Variants in ZFAT observed in about 807,000 individuals in gnomAD.
ZFAT encodes the protein zinc finger and AT-hook domain containing, also known as zinc finger protein ZFAT.
A neutral mutation model predicts 117.7 loss-of-function variants in ZFAT; 64 were observed. The observed-to-expected ratio is 0.54, with a 90% CI of 0.44 to 0.67. The LOEUF (loss-of-function observed/expected upper bound fraction) is 0.67, where lower values mean the gene tolerates loss of function less well. ZFAT is among the 30% of genes least tolerant of loss of function. The probability of loss-of-function intolerance (pLI) is 0.00; values close to 1 mark genes in which losing one functional copy is unlikely to be tolerated. For missense variants in ZFAT, 1,433 were observed against 1,584.5 expected (o/e 0.90, Z 1.62); for synonymous variants, 679 against 615.0 (o/e 1.10, Z -1.54).
At chr8:134,549,454 A>C (rs1446882507) in intron 11 of ZFAT, among the ~76,000 whole-genome samples, 4 of 151,618 alleles carry the variant, frequency 2.6e-5, no homozygotes, top group Non-Finnish European at 2.9e-5. Context: ...AAAAAAAAAA[A>C]AAAAAAAGAA....
chr8:134,552,733 C>T (rs982155580), intron 11 of ZFAT, among the ~76,000 whole-genome samples: 1 of 152,194 alleles, frequency 6.6e-6, no homozygotes. Flanking sequence ...ATTTGTCAAA[C>T]AGCAGAGAGG....
At chr8:134,819,459 A>C in the ZFAT span, among the ~76,000 whole-genome samples, 2 of 150,206 alleles carry the variant, frequency 1.3e-5, no homozygotes, top group African/African-American at 2.4e-5. Flanking sequence ...TTTCCAAGGA[A>C]TCACAATGAA....
chr8:134,713,602 T>A (rs1209526595), upstream of ZFAT, among the ~76,000 whole-genome samples: 1 of 152,098 alleles, frequency 6.6e-6, no homozygotes, highest in Non-Finnish European at 1.5e-5. Flanking sequence ...TCTCTTTTTG[T>A]CCCACAACAA....
chr8:134,512,174 T>A (rs530154235), intron 14 of ZFAT, among the ~76,000 whole-genome samples: 18 of 152,304 alleles, frequency 1.2e-4, no homozygotes, highest in African/African-American at 4.3e-4. Context: ...ATCTGTGAAG[T>A]GAGAATAGTC....
intron 1 of ZFAT, among the ~76,000 whole-genome samples, chr8:134,661,963 A>C (rs1383321748): frequency 6.6e-6 from 1 of 152,226 alleles, no homozygotes; most frequent in Non-Finnish European, 1.5e-5. Flanking sequence ...TCAAGAAGCC[A>C]AATCCTTCCA....
intron 7 of ZFAT, chr8:134,599,740 A>C: frequency 2.2e-6 from 1 of 455,886 alleles, no homozygotes; most frequent in Non-Finnish European, 4.4e-6. Context: ...CTGGGGCCAG[A>C]TGTGCTTCCT....
intron 7 of ZFAT, among the ~76,000 whole-genome samples, chr8:134,597,360 G>T (rs1211444161): frequency 1.3e-5 from 2 of 152,130 alleles, no homozygotes; most frequent in African/African-American, 4.8e-5. Flanking sequence ...CATGGAAAAT[G>T]TTCAGTAATT....
At chr8:134,734,560 T>A in the ZFAT span, among the ~76,000 whole-genome samples, 1 of 152,202 alleles carries the variant, frequency 6.6e-6, no homozygotes, top group Non-Finnish European at 1.5e-5. Context: ...CAAACCCTCG[T>A]GGCACAGTGT....
chr8:134,710,112 T>C lies in ZFAT; in HGVS notation c.19+2733A>G, dbSNP rs77902966. Among the ~76,000 whole-genome samples, 726 of 152,358 alleles carry C rather than the reference T, an allele frequency of 4.8e-3. 6 individuals carry two copies. Among genetic ancestry groups the C allele is most frequent in the African/African-American group, 0.016 (670 of 41,586 alleles). ...TGTCCAGGGTTCTTTTTTAAAACTC[T>C]TGGGTAAATTCCAGAAGTGGAGAAG... On this transcript the variant is annotated intron_variant, in intron 1 of 15. Transcript: ENST00000377838.
At chr8:134,623,203 G>A (rs571149022) in intron 3 of ZFAT, among the ~76,000 whole-genome samples, 1 of 152,148 alleles carries the variant, frequency 6.6e-6, no homozygotes, top group Non-Finnish European at 1.5e-5. Flanking sequence ...AATCAATGGA[G>A]TCTTCACCCC....
At chr8:134,793,540 T>C in the ZFAT span, 9 of 152,290 alleles carry the variant, frequency 5.9e-5, no homozygotes, top group East Asian at 1.7e-3. Flanking sequence ...ATTAGATTCT[T>C]GTAAGGAGCA....
chr8:134,757,311 C>T, the ZFAT span, among the ~76,000 whole-genome samples: 1,972 of 152,212 alleles, frequency 0.013, 23 homozygotes, highest in Non-Finnish European at 0.02. Context: ...GCCACCGCAC[C>T]CAGCCCTTCC....
chr8:134,511,986 T>C (rs1022911733), intron 14 of ZFAT, among the ~76,000 whole-genome samples: 4 of 152,276 alleles, frequency 2.6e-5, no homozygotes, highest in Non-Finnish European at 5.9e-5. Context: ...GCCTGGCCCC[T>C]GTAGGCCCTG....
chr8:134,798,673 T>C, the ZFAT span, among the ~76,000 whole-genome samples: 1 of 152,082 alleles, frequency 6.6e-6, no homozygotes, highest in African/African-American at 2.4e-5. Context: ...AAAGACCTTA[T>C]TACATAATCA....
In ZFAT at chr8:134,656,349, G is replaced by A. The variant is rs1831601909; in HGVS notation, c.196+1212C>T. On this transcript the variant is annotated intron_variant, in intron 2 of 15. Coordinates refer to ENST00000377838, the MANE Select transcript of ZFAT (RefSeq NM_020863.4). ...AGGTCTGCTCACAAGGCCTGTGAGGGGCTGAGCACGCCATGGACACACACC... is the reference window on the plus strand; with the variant it reads ...AGGTCTGCTCACAAGGCCTGTGAGGAGCTGAGCACGCCATGGACACACACC... 2.6e-5 allele frequency among the ~76,000 whole-genome samples: 4 copies of A among 152,276 alleles called. No homozygotes were observed. In the South Asian group the frequency reaches 8.3e-4, roughly 32 times the overall value.
intron 1 of ZFAT, among the ~76,000 whole-genome samples, chr8:134,709,820 A>T (rs1161691559): frequency 6.6e-6 from 1 of 152,196 alleles, no homozygotes. Context: ...CCGGAGGCAA[A>T]TGAGAAGCCC....
chr8:134,752,959 T>C, the ZFAT span, among the ~76,000 whole-genome samples: 57 of 152,140 alleles, frequency 3.7e-4, no homozygotes, highest in Non-Finnish European at 6.6e-4. Flanking sequence ...ATTCAGCCCA[T>C]AACACTGAGC....
At chr8:134,831,838 C>A in the ZFAT span, among the ~76,000 whole-genome samples, 4 of 151,886 alleles carry the variant, frequency 2.6e-5, no homozygotes, top group African/African-American at 7.2e-5. Context: ...CAAAAAAGCA[C>A]CCCCCGACAC....
chr8:134,529,401 T>C (rs1821247710), intron 12 of ZFAT, among the ~76,000 whole-genome samples: 1 of 152,200 alleles, frequency 6.6e-6, no homozygotes, highest in South Asian at 2.1e-4. Flanking sequence ...ACTGAAGCAA[T>C]ACAAGTATTT....
Sources: allele counts gnomAD v4.1 joint callset (sites outside exome capture counted in the v4.1 genomes callset), GRCh38; gene constraint gnomAD v4.1.1; transcripts MANE v1.5; gene names NCBI Gene and HGNC (gene_info 2026-07-23, HGNC 2026-07-21).